DYNC1LI1: variants seen among roughly 807,000 people sequenced by gnomAD.
DYNC1LI1 encodes the protein dynein cytoplasmic 1 light intermediate chain 1.
In DYNC1LI1, 19 loss-of-function variants were observed where a neutral mutation model predicts 63.8. That is an observed-to-expected ratio of 0.30 (90% CI 0.21 to 0.44). DYNC1LI1 has a LOEUF of 0.44. Among genes scored for constraint, DYNC1LI1 ranks in the 20% least tolerant of loss-of-function variants. The probability of loss-of-function intolerance (pLI) is 1.00; values close to 1 mark genes in which losing one functional copy is unlikely to be tolerated. For missense variants in DYNC1LI1, 565 were observed against 630.2 expected (o/e 0.90, Z 1.11); for synonymous variants, 225 against 232.3 (o/e 0.97, Z 0.28).
At chr3:32,551,384 T>G (rs963451748) in intron 2 of DYNC1LI1, among the ~76,000 whole-genome samples, 1 of 151,996 alleles carries the variant, frequency 6.6e-6, no homozygotes, top group Admixed American at 6.6e-5. Flanking sequence ...GACAAATAAT[T>G]TGAATGCATG....
chr3:32,550,498 C>T (rs1698021699), intron 2 of DYNC1LI1, among the ~76,000 whole-genome samples: 1 of 152,174 alleles, frequency 6.6e-6, no homozygotes. Context: ...TAATTTCTTG[C>T]AGCCATCACT....
intron 8 of DYNC1LI1, 67 bp downstream of exon 8, chr3:32,532,919 A>G: frequency 2.1e-6 from 3 of 1,452,890 alleles, no homozygotes; most frequent in Non-Finnish European, 2.7e-6. Context: ...ATTTAATTTT[A>G]AAGTATGGAA....
intron 2 of DYNC1LI1, among the ~76,000 whole-genome samples, chr3:32,558,713 T>C (rs1698149853): frequency 6.6e-6 from 1 of 151,792 alleles, no homozygotes; most frequent in Non-Finnish European, 1.5e-5. Context: ...GGTGTGGTGG[T>C]GCATGCCTGT....
At chr3:32,527,837 A>G (rs1697641254) in intron 12 of DYNC1LI1, among the ~76,000 whole-genome samples, 1 of 152,008 alleles carries the variant, frequency 6.6e-6, no homozygotes, top group African/African-American at 2.4e-5. Flanking sequence ...AAAAGGAATG[A>G]AGGCCAGGCA....
intron 2 of DYNC1LI1, chr3:32,570,134 G>A (rs1200610616): frequency 2.9e-5 from 20 of 688,374 alleles, no homozygotes; most frequent in Admixed American, 2.5e-4. Context: ...GGAGGAGGAG[G>A]AGGAACCTGA....
At position 32,526,101 on chromosome 3, in the gene DYNC1LI1, T is replaced by C. The variant is rs537052735; in HGVS notation, c.*698A>G. 1 of 152,482 alleles carries C rather than the reference T, an allele frequency of 6.6e-6. No individual in the cohort carries two copies. Among genetic ancestry groups the C allele is most frequent in the East Asian group, 1.9e-4 (1 of 5,208 alleles). 9.4% of individuals were successfully genotyped at this position (152,482 alleles called of 1,614,324 possible). A position where few individuals can be genotyped will look rare whatever the true frequency, so the allele number is the denominator to read the frequency against. On this transcript the variant is annotated 3_prime_UTR_variant, in exon 13 of 13. Coordinates refer to ENST00000273130, the MANE Select transcript of DYNC1LI1 (RefSeq NM_016141.4). ...TATATGTATAGACAAATCCAAAGATTGTTACTTCTTTACATTTTAATAACC... is the reference window on the plus strand; with the variant it reads ...TATATGTATAGACAAATCCAAAGATCGTTACTTCTTTACATTTTAATAACC...
intron 2 of DYNC1LI1, among the ~76,000 whole-genome samples, chr3:32,563,288 ACT>A (rs1698216776): frequency 6.9e-6 from 1 of 144,318 alleles, no homozygotes. Flanking sequence ...ATGGTCACTT[ACT>A]TTTTTTTTTT....
intron 7 of DYNC1LI1, among the ~76,000 whole-genome samples, chr3:32,534,266 T>C (rs138486802): frequency 1.2e-3 from 180 of 152,262 alleles, no homozygotes; most frequent in African/African-American, 4.0e-3. Context: ...TACACTAATA[T>C]AGGCACCCAG....
intron 4 of DYNC1LI1, among the ~76,000 whole-genome samples, chr3:32,543,275 T>C (rs193051346): frequency 6.3e-4 from 96 of 152,322 alleles, no homozygotes; most frequent in Admixed American, 1.6e-3. Flanking sequence ...TTTCAATGAT[T>C]TACTACATAC....
rs576948239 is a variant in DYNC1LI1 at position 32,570,113 on chromosome 3, C to A, written c.220+233G>T. On this transcript the variant is annotated intron_variant, in intron 2 of 12. Transcript: ENST00000273130. The stretch of plus-strand genomic sequence containing the variant: ...CCAGGGGAAGCTGTCAGGGCCACCC[C>A]CATATACCGGGGAGGAGGAGGAGGA... 4.4e-6 allele frequency: 3 copies of A among 675,066 alleles called. No homozygotes were observed. The Admixed American group carries it at 6.3e-5, about 14-fold the overall frequency. The allele number at this position is 675,066 out of a possible 1,614,324, so 41.8% of individuals were successfully genotyped here. A position where few individuals can be genotyped will look rare whatever the true frequency, so the allele number is the denominator to read the frequency against.
intron 8 of DYNC1LI1, 153 bp downstream of exon 8, chr3:32,532,833 A>G (rs1466533036): frequency 7.8e-7 from 1 of 1,285,664 alleles, no homozygotes; most frequent in Middle Eastern, 2.8e-4. Flanking sequence ...ATCCTTATGT[A>G]AACTGTACAT....
intron 2 of DYNC1LI1, 78 bp downstream of exon 2, chr3:32,570,268 C>G (rs1698327232): frequency 4.2e-6 from 5 of 1,191,478 alleles, no homozygotes; most frequent in African/African-American, 1.5e-5. Flanking sequence ...ACAAAGAGAG[C>G]CAGCGAGCTA....
Position 32,530,332 on chromosome 3 carries a change from A to G in DYNC1LI1, c.1141-4T>C, listed in dbSNP as rs201889867. 113 of 200,842 alleles carry G rather than the reference A, an allele frequency of 5.6e-4. No homozygotes were observed. The highest frequency in any genetic ancestry group is 1.6e-3 in the Middle Eastern group (1 of 614). 12.4% of individuals were successfully genotyped at this position (200,842 alleles called of 1,614,324 possible). A position where few individuals can be genotyped will look rare whatever the true frequency, so the allele number is the denominator to read the frequency against. On this transcript the variant is annotated splice_region_variant and splice_polypyrimidine_tract_variant and intron_variant, in intron 9 of 12. Transcript: ENST00000273130. ...GTGGTTGCTTTGCTAAAAGGGACTG[A>G]AAAAAAAAAAAAAAAAGAATCCTAG...
intron 9 of DYNC1LI1, 40 bp from the exon 10 acceptor site, chr3:32,530,368 C>G (rs758582608): frequency 6.4e-7 from 1 of 1,571,920 alleles, no homozygotes; most frequent in South Asian, 1.1e-5. Flanking sequence ...TTTAGACATT[C>G]ATAGCATATA....
At chr3:32,534,379 C>T (rs1697746539) in intron 7 of DYNC1LI1, 132 bp downstream of exon 7, 2 of 674,640 alleles carry the variant, frequency 3.0e-6, no homozygotes, top group Non-Finnish European at 4.9e-6. Context: ...AAAAAACAAT[C>T]TAGGAACAGA....
intron 8 of DYNC1LI1, 118 bp from the exon 9 acceptor site, chr3:32,530,638 C>G (rs1697683531): frequency 1.1e-6 from 1 of 891,960 alleles, no homozygotes; most frequent in Admixed American, 2.3e-5. Context: ...ATTACCTATA[C>G]TATATTTATA....
At chr3:32,566,900 C>T (rs1470785011) in intron 2 of DYNC1LI1, among the ~76,000 whole-genome samples, 6 of 152,094 alleles carry the variant, frequency 3.9e-5, no homozygotes, top group Non-Finnish European at 7.4e-5. Context: ...TTATTAAAAA[C>T]AAATCTTAAT....
intron 3 of DYNC1LI1, 133 bp from the exon 4 acceptor site, chr3:32,545,239 T>C (rs1697936951): frequency 4.6e-6 from 3 of 654,116 alleles, no homozygotes; most frequent in Admixed American, 5.7e-5. Context: ...TTCAACAATT[T>C]AGGCCATCTA....
intron 4 of DYNC1LI1, among the ~76,000 whole-genome samples, chr3:32,543,400 T>TTC (rs1287161179): frequency 7.8e-6 from 1 of 127,694 alleles, no homozygotes; most frequent in East Asian, 2.2e-4. Context: ...TTTCCTTTCT[T>TTC]TTTTTTTTTT....
Sources: gnomAD v4.1 joint callset for allele counts (sites outside exome capture counted in the v4.1 genomes callset) on GRCh38, gnomAD v4.1.1 for gene constraint, MANE v1.5 for transcripts, NCBI Gene and HGNC (gene_info 2026-07-23, HGNC 2026-07-21) for gene names.